CEMIP: variants seen among roughly 807,000 people sequenced by gnomAD.
CEMIP encodes cell migration-inducing and hyaluronan-binding protein.
CEMIP carries 105 observed loss-of-function variants against 156.9 expected under a neutral mutation model. That is an observed-to-expected ratio of 0.67 (90% CI 0.57 to 0.79). CEMIP has a LOEUF of 0.79. Ranked by LOEUF, CEMIP falls within the 30% of genes least tolerant of loss-of-function variation. The pLI is 0.00. For missense variants in CEMIP, 1,457 were observed against 1,769.4 expected, an observed-to-expected ratio of 0.82 and a Z score of 3.17; for synonymous variants, 676 against 668.4, an observed-to-expected ratio of 1.01 and a Z score of -0.17.
intron 7 of CEMIP, 148 bp from the exon 8 acceptor site, chr15:80,887,546 C>T: frequency 1.4e-6 from 1 of 693,224 alleles, no homozygotes; most frequent in Non-Finnish European, 2.6e-6. Context: ...AGAAGAGAAG[C>T]CCAGCAAGTG....
intron 14 of CEMIP, among the ~76,000 whole-genome samples, chr15:80,916,607 A>G (rs1028089361): frequency 1.3e-5 from 2 of 152,180 alleles, no homozygotes; most frequent in African/African-American, 4.8e-5. Flanking sequence ...ATCTATATCT[A>G]TCTATCCATC....
rs141643066 is a variant in CEMIP, at chr15:80,913,937, G to T, written c.1797+4631G>T. Among the ~76,000 whole-genome samples the T allele has an allele frequency of 1.9e-3, 283 of 152,342 alleles. 1 individual carries two copies. The highest frequency in any genetic ancestry group is 6.3e-3 in the African/African-American group (264 of 41,584). ...AAACTCATTCGCATCTTACAGAGCTGGTGTTCCGTAACACAGTTTGTAACA... is the reference window on the plus strand; with the variant it reads ...AAACTCATTCGCATCTTACAGAGCTTGTGTTCCGTAACACAGTTTGTAACA... On this transcript the variant is annotated intron_variant, in intron 14 of 29. Transcript: ENST00000394685.
At chr15:80,780,871 G>A (rs1895774543) in intron 1 of CEMIP, among the ~76,000 whole-genome samples, 1 of 152,198 alleles carries the variant, frequency 6.6e-6, no homozygotes, top group Non-Finnish European at 1.5e-5. Context: ...GACCCAAGGC[G>A]TTGGGGCGCT....
intron 1 of CEMIP, among the ~76,000 whole-genome samples, chr15:80,828,443 G>T (rs1897087703): frequency 6.6e-6 from 1 of 152,032 alleles, no homozygotes; most frequent in Non-Finnish European, 1.5e-5. Context: ...TGAAAAGTCT[G>T]GTCCAAACAT....
intron 23 of CEMIP, among the ~76,000 whole-genome samples, chr15:80,934,067 T>C (rs1000786028): frequency 1.3e-5 from 2 of 152,262 alleles, no homozygotes; most frequent in Admixed American, 6.5e-5. Flanking sequence ...TTTACACTTA[T>C]AGCCCACTCA....
intron 19 of CEMIP, among the ~76,000 whole-genome samples, chr15:80,927,053 G>A (rs1172490195): frequency 2.0e-5 from 3 of 152,202 alleles, no homozygotes; most frequent in Admixed American, 6.5e-5. Context: ...CTGGTCGCAA[G>A]CTCCTGACCT....
chr15:80,806,311 T>C (rs1321098083), intron 1 of CEMIP, among the ~76,000 whole-genome samples: 2 of 143,686 alleles, frequency 1.4e-5, no homozygotes, highest in African/African-American at 5.0e-5. Context: ...CAGCACTTCA[T>C]TACAAGGGCT....
chr15:80,941,811 T>A, intron 25 of CEMIP, 38 bp from the exon 26 acceptor site: 13 of 1,589,822 alleles, frequency 8.2e-6, no homozygotes, highest in South Asian at 2.2e-5. Flanking sequence ...GAGGTTTGAG[T>A]GTCCAAGCAA....
rs551923789 is a variant in CEMIP, at chr15:80,823,966, G to C, written c.-176+44352G>C. On this transcript the variant is annotated intron_variant, in intron 1 of 29. Transcript: ENST00000394685. The stretch of plus-strand genomic sequence containing the variant: ...AAAGCTGGGATTTAACCCCCAATGT[G>C]CAGACTCTAAGACCCCAGCACAGCA... Among the ~76,000 whole-genome samples, 14 of 152,304 alleles carry C rather than the reference G, an allele frequency of 9.2e-5. No individual in the cohort carries two copies. In the East Asian group the frequency reaches 2.7e-3, roughly 29 times the overall value.
At chr15:80,864,618 G>A (rs7172166) in intron 1 of CEMIP, among the ~76,000 whole-genome samples, 43,400 of 152,162 alleles carry the variant, frequency 0.29, 6,664 homozygotes, top group East Asian at 0.57. Context: ...TGAGCGGACA[G>A]AGGCTTAGAT....
At position 80,949,078 on chromosome 15, in the gene CEMIP, G is replaced by T; in HGVS notation, c.*154G>T. ...GATGGGCCAAGGGAAGGCTATCAGA[G>T]ACCCTGGTGCTGCCACCTGCCCCTA... On this transcript the variant is annotated 3_prime_UTR_variant, in exon 30 of 30. Coordinates refer to ENST00000394685, the MANE Select transcript of CEMIP (RefSeq NM_001293298.2). 1 of 1,017,468 alleles carries T rather than the reference G, an allele frequency of 9.8e-7. No individual in the cohort carries two copies. Among genetic ancestry groups the T allele is most frequent in the East Asian group, 2.5e-5 (1 of 40,770 alleles). The allele number at this position is 1,017,468 out of a possible 1,614,324, so 63.0% of individuals were successfully genotyped here.
intron 12 of CEMIP, among the ~76,000 whole-genome samples, chr15:80,901,472 T>C (rs571481364): frequency 5.5e-4 from 84 of 152,150 alleles, no homozygotes; most frequent in Non-Finnish European, 8.8e-4. Context: ...GAGGCTGAGG[T>C]GGGTGGATCA....
At chr15:80,886,927 C>T (rs972250525) in intron 7 of CEMIP, among the ~76,000 whole-genome samples, 1 of 152,194 alleles carries the variant, frequency 6.6e-6, no homozygotes, top group African/African-American at 2.4e-5. Flanking sequence ...CTTAGACCTG[C>T]TTCAGGGGAA....
At chr15:80,821,457 G>A (rs986562496) in intron 1 of CEMIP, among the ~76,000 whole-genome samples, 1 of 152,304 alleles carries the variant, frequency 6.6e-6, no homozygotes, top group Admixed American at 6.5e-5. Context: ...GCAACTACGT[G>A]GATTGGGTAG....
At chr15:80,936,645 T>C in intron 23 of CEMIP, 29 bp from the exon 24 acceptor site, 1 of 1,573,302 alleles carries the variant, frequency 6.4e-7, no homozygotes, top group Non-Finnish European at 8.7e-7. Context: ...AATAGCCTCA[T>C]TGTGTGTTTC....
intron 1 of CEMIP, among the ~76,000 whole-genome samples, chr15:80,816,777 T>C (rs1192660992): frequency 6.6e-6 from 1 of 152,088 alleles, no homozygotes; most frequent in African/African-American, 2.4e-5. Flanking sequence ...GAGGACATTG[T>C]GTCCTTGTAC....
chr15:80,946,842 C>A, intron 28 of CEMIP, 123 bp from the exon 29 acceptor site: 1 of 725,004 alleles, frequency 1.4e-6, no homozygotes. Flanking sequence ...TTCCCGAATC[C>A]CTGGACAGGC....
At chr15:80,797,987 G>A (rs1478177817) in intron 1 of CEMIP, among the ~76,000 whole-genome samples, 1 of 152,172 alleles carries the variant, frequency 6.6e-6, no homozygotes, top group African/African-American at 2.4e-5. Context: ...AAGACTTTTG[G>A]AGGAATGAGC....
chr15:80,948,637 C>T (rs1039348486), intron 29 of CEMIP, 160 bp from the exon 30 acceptor site: 1 of 939,692 alleles, frequency 1.1e-6, no homozygotes. Flanking sequence ...CAGGCACCAT[C>T]AGTAGCTGAG....
Sources: gnomAD v4.1 joint callset for allele counts (sites outside exome capture counted in the v4.1 genomes callset) on GRCh38, gnomAD v4.1.1 for gene constraint, MANE v1.5 for transcripts, NCBI Gene and HGNC (gene_info 2026-07-23, HGNC 2026-07-21) for gene names.